CD82: variants seen among roughly 807,000 people sequenced by gnomAD.
The protein encoded by CD82 is CD82 molecule.
In CD82, 36 loss-of-function variants were observed where a neutral mutation model predicts 37.4. That is an observed-to-expected ratio of 0.96 (90% CI 0.74 to 1.27). CD82 has a LOEUF of 1.27. CD82 is among the 50% of genes most tolerant of loss of function. The pLI, the probability that CD82 is intolerant of heterozygous loss-of-function variation, is 0.00. For synonymous variants in CD82, 158 were observed against 137.4 expected (o/e 1.15, Z -1.05); for missense variants, 340 against 347.0 (o/e 0.98, Z 0.16).
intron 4 of CD82, among the ~76,000 whole-genome samples, chr11:44,601,441 A>C (rs1165476886): frequency 6.6e-6 from 1 of 152,020 alleles, no homozygotes; most frequent in East Asian, 1.9e-4. Flanking sequence ...CGTGCCCCCC[A>C]CATTCTCCTG....
In CD82 at chr11:44,619,399, C is replaced by G; in HGVS notation, c.*273C>G. On this transcript the variant is annotated 3_prime_UTR_variant, in exon 10 of 10. Coordinates refer to ENST00000227155, the MANE Select transcript of CD82 (RefSeq NM_002231.4). ...AAAATGCTCCCCACAGCGTCCCTGG[C>G]GCAGGTGGGCTGGACTTCTACCTGC... The G allele has an allele frequency of 2.0e-6, 1 of 489,652 alleles. No homozygotes were observed. The allele number at this position is 489,652 out of a possible 1,614,324, so 30.3% of individuals were successfully genotyped here. A position where few individuals can be genotyped will look rare whatever the true frequency, so the allele number is the denominator to read the frequency against.
chr11:44,619,329 T>G lies in CD82; in HGVS notation c.*203T>G. 6 of 565,364 alleles carry G rather than the reference T, an allele frequency of 1.1e-5. No individual in the cohort carries two copies. The highest frequency in any genetic ancestry group is 1.6e-5 in the Non-Finnish European group (5 of 314,614). 35.0% of individuals were successfully genotyped at this position (565,364 alleles called of 1,614,324 possible). A position where few individuals can be genotyped will look rare whatever the true frequency, so the allele number is the denominator to read the frequency against. ...GCCTTGAGCCCTGGCTGTTCTGTGG[T>G]TCCTCTGCTCACCGCCCATCAGGGT... On this transcript the variant is annotated 3_prime_UTR_variant, in exon 10 of 10. Transcript: ENST00000227155.
chr11:44,573,628 C>T (rs936756529), intron 1 of CD82, among the ~76,000 whole-genome samples: 4 of 152,250 alleles, frequency 2.6e-5, no homozygotes, highest in African/African-American at 9.6e-5. Flanking sequence ...CCCACACCCT[C>T]TCCTGGCATG....
intron 8 of CD82, 60 bp from the exon 9 acceptor site, chr11:44,618,580 C>T (rs924596603): frequency 3.5e-6 from 5 of 1,423,364 alleles, no homozygotes; most frequent in Non-Finnish European, 4.9e-6. Context: ...CTCGGTGGTT[C>T]TGCATGGCGG....
chr11:44,601,551 G>A (rs966752187), intron 4 of CD82, among the ~76,000 whole-genome samples: 6 of 152,190 alleles, frequency 3.9e-5, no homozygotes, highest in Non-Finnish European at 7.4e-5. Flanking sequence ...AAAGTCTAGA[G>A]GCCCAGCCTG....
rs79585606 is a variant in CD82, at chr11:44,586,014, C to T, written c.-102-1461C>T. 3.4e-3 allele frequency among the ~76,000 whole-genome samples: 515 copies of T among 152,314 alleles called. 5 individuals are homozygous for T. The highest frequency in any genetic ancestry group is 0.012 in the African/African-American group (498 of 41,552). ...AGAGTGCCAGGCAGATTCTCCCTGG[C>T]CAGGCGCTGCTGTACCAGAAACCCC... On this transcript the variant is annotated intron_variant, in intron 1 of 9. Transcript: ENST00000227155.
chr11:44,570,661 A>C (rs1328362615), intron 1 of CD82, among the ~76,000 whole-genome samples: 2 of 152,152 alleles, frequency 1.3e-5, no homozygotes, highest in Non-Finnish European at 2.9e-5. Flanking sequence ...ATGGGAATGC[A>C]CCGTCTGTCC....
At chr11:44,614,800 G>A (rs1217937395) in intron 6 of CD82, among the ~76,000 whole-genome samples, 1 of 152,196 alleles carries the variant, frequency 6.6e-6, no homozygotes, top group East Asian at 1.9e-4. Flanking sequence ...AATGTCTAGG[G>A]GAAGAGCATT....
At chr11:44,605,247 C>A in intron 5 of CD82, 65 bp downstream of exon 5, 2 of 1,606,904 alleles carry the variant, frequency 1.2e-6, no homozygotes, top group South Asian at 1.1e-5. Flanking sequence ...GCAGCCTGAC[C>A]GCGGCGCTGG....
intron 1 of CD82, among the ~76,000 whole-genome samples, chr11:44,572,664 G>T (rs923417348): frequency 6.6e-6 from 1 of 152,198 alleles, no homozygotes; most frequent in Non-Finnish European, 1.5e-5. Context: ...TTCCCATGCG[G>T]TGGGCACACC....
intron 4 of CD82, among the ~76,000 whole-genome samples, chr11:44,600,814 C>G (rs1418747233): frequency 6.6e-6 from 1 of 152,198 alleles, no homozygotes; most frequent in Non-Finnish European, 1.5e-5. Flanking sequence ...CTGTTCTATT[C>G]CCACCTCACC....
intron 2 of CD82, among the ~76,000 whole-genome samples, chr11:44,593,822 C>T (rs1455054289): frequency 6.6e-6 from 1 of 152,106 alleles, no homozygotes; most frequent in African/African-American, 2.4e-5. Context: ...TTTTGGGGGA[C>T]TCTGTGAGCC....
chr11:44,617,597 C>A (rs907185940), intron 7 of CD82, among the ~76,000 whole-genome samples: 1 of 151,036 alleles, frequency 6.6e-6, no homozygotes, highest in Non-Finnish European at 1.5e-5. Context: ...GAATTGACCC[C>A]GTCTCCTTTT....
intron 1 of CD82, among the ~76,000 whole-genome samples, chr11:44,571,080 T>A (rs1852807955): frequency 6.6e-6 from 1 of 151,976 alleles, no homozygotes; most frequent in African/African-American, 2.4e-5. Flanking sequence ...GGTGTGGGAG[T>A]TGTTCAGAGT....
chr11:44,570,168 G>A (rs572113423), intron 1 of CD82, among the ~76,000 whole-genome samples: 75 of 152,292 alleles, frequency 4.9e-4, no homozygotes, highest in Non-Finnish European at 8.8e-4. Flanking sequence ...GGCTCTTCCT[G>A]GGGGTGGCTG....
intron 4 of CD82, among the ~76,000 whole-genome samples, chr11:44,600,657 A>C (rs972649903): frequency 7.2e-5 from 11 of 152,354 alleles, no homozygotes; most frequent in African/African-American, 2.6e-4. Flanking sequence ...GTGCTTCGCT[A>C]TAAGCCTGGC....
intron 1 of CD82, among the ~76,000 whole-genome samples, chr11:44,573,538 G>C (rs548158903): frequency 6.6e-6 from 1 of 152,324 alleles, no homozygotes; most frequent in South Asian, 2.1e-4. Flanking sequence ...TGGAGTAACT[G>C]AGGCAGGGAG....
intron 4 of CD82, among the ~76,000 whole-genome samples, chr11:44,601,709 CTA>C (rs1297788609): frequency 2.0e-5 from 3 of 152,184 alleles, no homozygotes; most frequent in African/African-American, 7.2e-5. Context: ...TAAAGGTCTA[CTA>C]TCTGCAGGAG....
intron 7 of CD82, among the ~76,000 whole-genome samples, chr11:44,617,597 C>T (rs907185940): frequency 4.9e-4 from 74 of 151,110 alleles, no homozygotes; most frequent in African/African-American, 1.4e-3. Flanking sequence ...GAATTGACCC[C>T]GTCTCCTTTT....
Sources: allele counts gnomAD v4.1 joint callset (sites outside exome capture counted in the v4.1 genomes callset), GRCh38; gene constraint gnomAD v4.1.1; transcripts MANE v1.5; gene names NCBI Gene and HGNC (gene_info 2026-07-23, HGNC 2026-07-21).